The following FBLN1 variants were observed in gnomAD, a reference collection of about 807,000 sequenced individuals.
The protein encoded by FBLN1 is fibulin 1.
Under a neutral mutation model 89.7 loss-of-function variants are expected in FBLN1, and 34 were observed. The ratio of observed to expected loss-of-function variants is 0.38; its 90% CI spans 0.29 to 0.50. The LOEUF is 0.50. FBLN1 is among the 20% of genes least tolerant of loss of function. The pLI is 0.92. For synonymous variants in FBLN1, 393 were observed against 391.3 expected, an observed-to-expected ratio of 1.00 and a Z score of -0.05; for missense variants, 777 against 988.1, an observed-to-expected ratio of 0.79 and a Z score of 2.86.
At position 45,590,420 on chromosome 22, in the gene FBLN1, G is replaced by A. The variant is rs2089125981; in HGVS notation, c.1973-9887G>A. ...TTGCAAGGGGTTCAGTGTGGCTGGGGCAGTGTGCTGAGAGCTGGGCTGGAC... is the reference window on the plus strand; with the variant it reads ...TTGCAAGGGGTTCAGTGTGGCTGGGACAGTGTGCTGAGAGCTGGGCTGGAC... On this transcript the variant is annotated intron_variant, in intron 16 of 16. Transcript: ENST00000327858. The surrounding 1 kb of genome is among the most constrained non-coding windows in gnomAD (Gnocchi z 4.1). Among the ~76,000 whole-genome samples, 1 of 152,220 alleles carries A rather than the reference G, an allele frequency of 6.6e-6. No individual in the cohort carries two copies. Among genetic ancestry groups the A allele is most frequent in the Admixed American group, 6.5e-5 (1 of 15,290 alleles).
rs924147748 is a variant in FBLN1 at position 45,597,232 on chromosome 22, G to A, written c.1973-3075G>A. Among the ~76,000 whole-genome samples the A allele has an allele frequency of 1.6e-4, 25 of 152,124 alleles. No homozygotes were observed. Among genetic ancestry groups the A allele is most frequent in the African/African-American group, 5.8e-4 (24 of 41,412 alleles). The stretch of plus-strand genomic sequence containing the variant: ...TGCCCACGCTGGTCTCGAACTCATG[G>A]GCTTGTGATCTGCCCGCCTAAGCCT... On this transcript the variant is annotated intron_variant, in intron 16 of 16. Coordinates refer to ENST00000327858, the MANE Select transcript of FBLN1 (RefSeq NM_006486.3). The surrounding 1 kb of genome is among the most constrained non-coding windows in gnomAD (Gnocchi z 4.2).
intron 16 of FBLN1, among the ~76,000 whole-genome samples, chr22:45,593,272 AC>A (rs2089155188): frequency 6.6e-6 from 1 of 151,124 alleles, no homozygotes; most frequent in Non-Finnish European, 1.5e-5. Flanking sequence ...GAGAATGTGG[AC>A]CACAGAGCCC....
intron 14 of FBLN1, among the ~76,000 whole-genome samples, chr22:45,551,391 C>T (rs1741185638): frequency 6.6e-6 from 1 of 152,238 alleles, no homozygotes; most frequent in Non-Finnish European, 1.5e-5. Context: ...GCCCCTTGAC[C>T]TTCAGCCTGC....
chr22:45,576,720 C>A lies in FBLN1; in HGVS notation c.1841-257C>A, dbSNP rs2089000280. On this transcript the variant is annotated intron_variant, in intron 15 of 16. Transcript: ENST00000327858. The surrounding 1 kb of genome is among the most constrained non-coding windows in gnomAD (Gnocchi z 5.2). The stretch of plus-strand genomic sequence containing the variant: ...TCACCAGCCCTTCCTCTGATTAGCT[C>A]TGTGTCCCCGAGGAAGATCCAAAAT... 6.6e-6 allele frequency among the ~76,000 whole-genome samples: 1 copy of A among 152,218 alleles called. No individual in the cohort carries two copies. Among genetic ancestry groups the A allele is most frequent in the Non-Finnish European group, 1.5e-5 (1 of 68,038 alleles).
At chr22:45,507,529 T>G (rs1479284271) in intron 1 of FBLN1, among the ~76,000 whole-genome samples, 1 of 152,118 alleles carries the variant, frequency 6.6e-6, no homozygotes, top group Non-Finnish European at 1.5e-5. Context: ...CTATTTTTAT[T>G]TTTTATTATT....
At chr22:45,517,989 G>A (rs146388484) in intron 1 of FBLN1, among the ~76,000 whole-genome samples, 118 of 152,024 alleles carry the variant, frequency 7.8e-4, no homozygotes, top group African/African-American at 2.4e-3. Context: ...AAAAGTAGCC[G>A]GGCGTAGTGG....
At chr22:45,515,885 A>C (rs1039848273) in intron 1 of FBLN1, among the ~76,000 whole-genome samples, 2 of 152,190 alleles carry the variant, frequency 1.3e-5, no homozygotes, top group Non-Finnish European at 2.9e-5. Flanking sequence ...CTGGGATTGG[A>C]ACCAAAGGCT....
rs1210019268 is a variant in FBLN1 at position 45,583,714 on chromosome 22, A to C, written c.1972+6606A>C. ...AACACAGGAAGTAACAGAAGCAGCTAGTTACTCACAGGTCCTAGAGAGGTG... is the reference window on the plus strand; with the variant it reads ...AACACAGGAAGTAACAGAAGCAGCTCGTTACTCACAGGTCCTAGAGAGGTG... On this transcript the variant is annotated intron_variant, in intron 16 of 16. Coordinates refer to ENST00000327858, the MANE Select transcript of FBLN1 (RefSeq NM_006486.3). This position sits in a 1 kb window ranked among gnomAD's most constrained non-coding sequence, Gnocchi z 4.5. Among the ~76,000 whole-genome samples the C allele has an allele frequency of 6.6e-6, 1 of 152,210 alleles. No homozygotes were observed. Among genetic ancestry groups the C allele is most frequent in the Non-Finnish European group, 1.5e-5 (1 of 68,032 alleles).
At position 45,545,526 on chromosome 22, in the gene FBLN1, T is replaced by C. The variant is rs908598504; in HGVS notation, c.1322-1559T>C. On this transcript the variant is annotated intron_variant, in intron 11 of 16. Transcript: ENST00000327858. This position sits in a 1 kb window ranked among gnomAD's most constrained non-coding sequence, Gnocchi z 5.9. The stretch of plus-strand genomic sequence containing the variant: ...AAGTCGGCATTCATATCCACATTAG[T>C]GGACAATATTGTGGATATAGAACCA... Among the ~76,000 whole-genome samples the C allele has an allele frequency of 6.6e-6, 1 of 152,180 alleles. No individual in the cohort carries two copies. The highest frequency in any genetic ancestry group is 2.4e-5 in the African/African-American group (1 of 41,440).
intron 14 of FBLN1, chr22:45,558,041 C>T: frequency 1.4e-6 from 1 of 715,832 alleles, no homozygotes; most frequent in Non-Finnish European, 2.6e-6. Context: ...GATCTGTGAA[C>T]CAGGCCCTAG....
chr22:45,594,201 C>T (rs2089163826), intron 16 of FBLN1, among the ~76,000 whole-genome samples: 1 of 152,192 alleles, frequency 6.6e-6, no homozygotes, highest in Non-Finnish European at 1.5e-5. Context: ...CTACTTCTTC[C>T]TCCTTCCCTT....
rs368410267 is a variant in FBLN1 at position 45,574,605 on chromosome 22, C to T, written c.1792C>T (p.His598Tyr). 6.8e-6 allele frequency: 11 copies of T among 1,614,062 alleles called. No individual in the cohort carries two copies. Among genetic ancestry groups the T allele is most frequent in the African/African-American group, 2.7e-5 (2 of 74,938 alleles). Residue 598 changes from histidine to tyrosine, a missense_variant, in exon 15 of 17, where the codon CAC (histidine) becomes TAC (tyrosine). Physicochemically the swap from His to Tyr is moderately conservative, Grantham distance 83 (BLOSUM62 2). Transcript: ENST00000327858. The surrounding 1 kb of genome is among the most constrained non-coding windows in gnomAD (Gnocchi z 4.1). ...CVFDPVHTIS[H>Y]TVISLPTFRE... is the part of the protein sequence containing the mutation. ...GTTCGACCCCGTGCACACCATCTCCCACACCGTCATCTCGCTGCCTACCTT... is the reference window on the plus strand; with the variant it reads ...GTTCGACCCCGTGCACACCATCTCCTACACCGTCATCTCGCTGCCTACCTT...
intron 1 of FBLN1, among the ~76,000 whole-genome samples, chr22:45,508,831 G>A (rs1212248561): frequency 6.6e-6 from 1 of 152,172 alleles, no homozygotes; most frequent in South Asian, 2.1e-4. Flanking sequence ...AGGCATGGGG[G>A]CAGGAGGCAG....
chr22:45,535,410 T>A, intron 8 of FBLN1, 73 bp downstream of exon 8: 1 of 1,585,366 alleles, frequency 6.3e-7, no homozygotes, highest in Non-Finnish European at 8.6e-7. Flanking sequence ...GGCAGGCCTC[T>A]AGAATCTGCG....
In FBLN1 at chr22:45,541,236, T is replaced by TCCC. The variant is rs781671619; in HGVS notation, c.930_931insCCC (p.Asn310_Glu311insPro). The TCCC allele has an allele frequency of 6.2e-7, 1 of 1,614,196 alleles. No individual in the cohort carries two copies. The stretch of plus-strand genomic sequence containing the variant: ...TGTCTTTTCCCGCTGTAGATATCAA[T>TCCC]GAGTGTTTGAGTATCAGTGCCCCGT... On this transcript the variant is annotated inframe_insertion, in exon 9 of 17. Transcript: ENST00000327858.
intron 14 of FBLN1, chr22:45,564,943 G>C: frequency 6.2e-7 from 1 of 1,614,158 alleles, no homozygotes. Context: ...GAGGACTGCA[G>C]GGTTCTTCCA....
Position 45,530,732 on chromosome 22 carries a change from C to T in FBLN1, c.485-533C>T, listed in dbSNP as rs1160743770. On this transcript the variant is annotated intron_variant, in intron 4 of 16. Coordinates refer to ENST00000327858, the MANE Select transcript of FBLN1 (RefSeq NM_006486.3). This position sits in a 1 kb window ranked among gnomAD's most constrained non-coding sequence, Gnocchi z 5.4. ...TCACCCAGCATGAAGTCAATGATTA[C>T]AGGCCTTTGTGTCTGTGGTCTTTCT... 6.6e-6 allele frequency among the ~76,000 whole-genome samples: 1 copy of T among 152,014 alleles called. No individual in the cohort carries two copies.
intron 14 of FBLN1, among the ~76,000 whole-genome samples, chr22:45,568,528 T>TTCTGTAGGGGAGTGCTC (rs2088919696): frequency 8.6e-6 from 1 of 116,172 alleles, no homozygotes; most frequent in African/African-American, 5.1e-5. Context: ...GGGGAATGCC[T>TTCTGTAGGGGAGTGCTC]CTTCTGTAGG....
At chr22:45,596,816 T>A (rs1174277044) in intron 16 of FBLN1, among the ~76,000 whole-genome samples, 1 of 126,008 alleles carries the variant, frequency 7.9e-6, no homozygotes, top group Non-Finnish European at 1.5e-5. Context: ...TGTGTAAATA[T>A]AATTATATAA....
Sources: allele counts gnomAD v4.1 joint callset (sites outside exome capture counted in the v4.1 genomes callset), GRCh38; gene constraint gnomAD v4.1.1; non-coding constraint Gnocchi (gnomAD v3.1); transcripts MANE v1.5; gene names NCBI Gene and HGNC (gene_info 2026-07-23, HGNC 2026-07-21).